GAREM1: variants seen among roughly 807,000 people sequenced by gnomAD.
GAREM1 encodes the protein GRB2 associated regulator of MAPK1 subtype 1.
GAREM1 carries 26 observed loss-of-function variants against 71.3 expected under a neutral mutation model. That is an observed-to-expected ratio of 0.36 (90% confidence interval 0.27 to 0.51). GAREM1 has a LOEUF of 0.51. Among genes scored for constraint, GAREM1 ranks in the 20% least tolerant of loss-of-function variants. The pLI, the probability that GAREM1 is intolerant of heterozygous loss-of-function variation, is 0.95. For missense variants in GAREM1, 1,026 were observed against 1,103.1 expected, an observed-to-expected ratio of 0.93 and a Z score of 0.99; for synonymous variants, 440 against 433.2, an observed-to-expected ratio of 1.02 and a Z score of -0.20.
intron 5 of GAREM1, among the ~76,000 whole-genome samples, chr18:32,269,379 G>C (rs2041424350): frequency 6.6e-6 from 1 of 152,236 alleles, no homozygotes; most frequent in African/African-American, 2.4e-5. Context: ...ATGAGCACAT[G>C]TGGAGCGGTA....
intron 3 of GAREM1, among the ~76,000 whole-genome samples, chr18:32,291,540 C>T (rs188205811): frequency 8.5e-4 from 129 of 151,820 alleles, no homozygotes; most frequent in African/African-American, 3.0e-3. Flanking sequence ...GTGTGCAGAA[C>T]GTTCAGGTTT....
chr18:32,409,889 T>G lies in GAREM1; in HGVS notation c.122-16854A>C, dbSNP rs1057467397. Among the ~76,000 whole-genome samples, 14 of 152,322 alleles carry G rather than the reference T, an allele frequency of 9.2e-5. No individual in the cohort carries two copies. In the East Asian group the frequency reaches 1.2e-3, roughly 13 times the overall value. ...GGCCTGACATATACCATGGAATATTTCAGGCAGGCAGGTGAGAGAGGGGAC... is the reference window on the plus strand; with the variant it reads ...GGCCTGACATATACCATGGAATATTGCAGGCAGGCAGGTGAGAGAGGGGAC... On this transcript the variant is annotated intron_variant, in intron 1 of 5. Coordinates refer to ENST00000269209, the MANE Select transcript of GAREM1 (RefSeq NM_001242409.2).
At chr18:32,403,304 A>G (rs1384192512) in intron 1 of GAREM1, among the ~76,000 whole-genome samples, 1 of 152,144 alleles carries the variant, frequency 6.6e-6, no homozygotes, top group Non-Finnish European at 1.5e-5. Flanking sequence ...CAACAATTCC[A>G]TTCATACAGA....
In GAREM1 at chr18:32,353,598, T is replaced by C. The variant is rs536433466; in HGVS notation, c.262+39297A>G. ...ACTTCTGAGTTACATTAGGTAAAAG[T>C]ACATTAAAAATAACTTAAAGTTTAC... On this transcript the variant is annotated intron_variant, in intron 2 of 5. Coordinates refer to ENST00000269209, the MANE Select transcript of GAREM1 (RefSeq NM_001242409.2). Among the ~76,000 whole-genome samples, 155 of 152,344 alleles carry C rather than the reference T, an allele frequency of 1.0e-3. 1 individual carries two copies. The highest frequency in any genetic ancestry group is 3.1e-3 in the African/African-American group (129 of 41,588).
At chr18:32,315,357 A>G (rs1462653789) in intron 2 of GAREM1, among the ~76,000 whole-genome samples, 2 of 150,748 alleles carry the variant, frequency 1.3e-5, no homozygotes, top group African/African-American at 2.4e-5. Flanking sequence ...TAAATAACAT[A>G]TTTTATTTAA....
intron 1 of GAREM1, among the ~76,000 whole-genome samples, chr18:32,447,930 C>G (rs758090714): frequency 6.6e-6 from 1 of 152,078 alleles, no homozygotes; most frequent in Admixed American, 6.6e-5. Context: ...TAATCCTATA[C>G]CATGTGTGTT....
At chr18:32,290,595 A>G (rs544079679) in intron 3 of GAREM1, among the ~76,000 whole-genome samples, 2 of 150,292 alleles carry the variant, frequency 1.3e-5, no homozygotes, top group East Asian at 3.9e-4. Flanking sequence ...CAATGAGCCA[A>G]GATTGTGCCA....
chr18:32,393,057 G>A, intron 1 of GAREM1, 22 bp from the exon 2 acceptor site: 1 of 1,600,088 alleles, frequency 6.2e-7, no homozygotes, highest in Non-Finnish European at 8.5e-7. Context: ...AATTTTATAT[G>A]AGAAACTTAG....
chr18:32,421,455 C>A (rs1215100334), intron 1 of GAREM1, among the ~76,000 whole-genome samples: 2 of 152,176 alleles, frequency 1.3e-5, no homozygotes, highest in African/African-American at 4.8e-5. Flanking sequence ...GCTATGAGAA[C>A]CTTCCTAATG....
At chr18:32,299,513 C>CA (rs57549959) in intron 3 of GAREM1, among the ~76,000 whole-genome samples, 15,062 of 68,554 alleles carry the variant, frequency 0.22, 1,709 homozygotes, top group Non-Finnish European at 0.3. Context: ...GACCCCATCT[C>CA]AAAAAAAAAA....
chr18:32,430,005 A>C (rs2048608785), intron 1 of GAREM1, among the ~76,000 whole-genome samples: 1 of 152,230 alleles, frequency 6.6e-6, no homozygotes, highest in Non-Finnish European at 1.5e-5. Flanking sequence ...GAAGGACATG[A>C]TATAACAATT....
intron 1 of GAREM1, among the ~76,000 whole-genome samples, chr18:32,430,466 A>G (rs1197836421): frequency 2.6e-5 from 4 of 152,248 alleles, no homozygotes; most frequent in Admixed American, 2.6e-4. Flanking sequence ...CTAGGATTGA[A>G]CAAATAAACA....
At chr18:32,422,059 T>C (rs2048524198) in intron 1 of GAREM1, among the ~76,000 whole-genome samples, 1 of 152,132 alleles carries the variant, frequency 6.6e-6, no homozygotes, top group Admixed American at 6.6e-5. Context: ...TACATATGTA[T>C]ACATGTGCCA....
chr18:32,462,337 G>A (rs1045877532), intron 1 of GAREM1, among the ~76,000 whole-genome samples: 8 of 152,046 alleles, frequency 5.3e-5, no homozygotes, highest in African/African-American at 1.7e-4. Context: ...ATCTCACTGC[G>A]ATTTTGATTT....
At chr18:32,316,829 T>G (rs554123092) in intron 2 of GAREM1, among the ~76,000 whole-genome samples, 3 of 152,328 alleles carry the variant, frequency 2.0e-5, no homozygotes, top group Admixed American at 2.0e-4. Flanking sequence ...TAATGTAATG[T>G]TTAAACACTA....
At chr18:32,379,578 C>T (rs2048073114) in intron 2 of GAREM1, among the ~76,000 whole-genome samples, 1 of 148,184 alleles carries the variant, frequency 6.7e-6, no homozygotes, top group Non-Finnish European at 1.5e-5. Flanking sequence ...GTGGTGTGCG[C>T]CTGTAGTCCC....
At chr18:32,382,621 T>C (rs1403376652) in intron 2 of GAREM1, among the ~76,000 whole-genome samples, 3 of 152,244 alleles carry the variant, frequency 2.0e-5, no homozygotes, top group African/African-American at 7.2e-5. Flanking sequence ...TGAAAACTCC[T>C]GGCTAGCTGG....
At chr18:32,370,539 C>T (rs2047968062) in intron 2 of GAREM1, among the ~76,000 whole-genome samples, 1 of 151,956 alleles carries the variant, frequency 6.6e-6, no homozygotes. Context: ...TATCATATTC[C>T]TTTGGTTCCC....
chr18:32,297,602 T>G (rs539783067), intron 3 of GAREM1, among the ~76,000 whole-genome samples: 1 of 152,250 alleles, frequency 6.6e-6, no homozygotes, highest in African/African-American at 2.4e-5. Flanking sequence ...TTCTCTGTAC[T>G]GAATATCGTT....
Sources: allele counts gnomAD v4.1 joint callset (sites outside exome capture counted in the v4.1 genomes callset), GRCh38; gene constraint gnomAD v4.1.1; transcripts MANE v1.5; gene names NCBI Gene and HGNC (gene_info 2026-07-23, HGNC 2026-07-21).